MLIP: variants seen among roughly 807,000 people sequenced by gnomAD.
MLIP encodes the protein muscular LMNA interacting protein.
Under a neutral mutation model 84.8 loss-of-function variants are expected in MLIP, and 79 were observed. The ratio of observed to expected loss-of-function variants is 0.93; its 90% CI spans 0.78 to 1.12. The LOEUF (loss-of-function observed/expected upper bound fraction) is 1.12, where lower values mean the gene tolerates loss of function less well. MLIP is among the 50% of genes most tolerant of loss of function. The pLI is 0.00. For missense variants in MLIP, 1,257 were observed against 1,160.6 expected, an observed-to-expected ratio of 1.08 and a Z score of -1.21; for synonymous variants, 504 against 463.0, an observed-to-expected ratio of 1.09 and a Z score of -1.14.
At chr6:54,195,462 A>C (rs980564652) in intron 10 of MLIP, among the ~76,000 whole-genome samples, 1 of 152,092 alleles carries the variant, frequency 6.6e-6, no homozygotes, top group African/African-American at 2.4e-5. Flanking sequence ...TGCTGTAAAA[A>C]CCCATTATTT....
chr6:54,176,486 A>T (rs913782773), intron 9 of MLIP, among the ~76,000 whole-genome samples: 8 of 151,858 alleles, frequency 5.3e-5, no homozygotes, highest in African/African-American at 1.9e-4. Context: ...GTATCTAGGA[A>T]TTTATCAATT....
At chr6:54,027,372 AATACACACACACACACAC>A (rs1161959207) in intron 1 of MLIP, among the ~76,000 whole-genome samples, 2 of 86,406 alleles carry the variant, frequency 2.3e-5, no homozygotes, top group East Asian at 6.8e-4. Context: ...GAATAAAAAA[AATACACACACACACACAC>A]ACACACACAC....
intron 13 of MLIP, chr6:54,261,546 A>C (rs1783392429): frequency 2.1e-5 from 21 of 979,672 alleles, no homozygotes; most frequent in Non-Finnish European, 2.5e-5. Flanking sequence ...GGTTTACAAC[A>C]TAACAATTCT....
At chr6:54,253,853 A>G (rs1330465489) in intron 12 of MLIP, among the ~76,000 whole-genome samples, 1 of 152,114 alleles carries the variant, frequency 6.6e-6, no homozygotes, top group East Asian at 1.9e-4. Context: ...TCTGTTATAC[A>G]ATATCTAGGA....
intron 12 of MLIP, among the ~76,000 whole-genome samples, chr6:54,234,541 T>C (rs1781236665): frequency 6.6e-6 from 1 of 152,178 alleles, no homozygotes; most frequent in African/African-American, 2.4e-5. Context: ...TTGATGATGC[T>C]GCAAATCTAT....
At position 54,266,019 on chromosome 6, in the gene MLIP, T is replaced by G; in HGVS notation, c.*64T>G. The stretch of plus-strand genomic sequence containing the variant: ...TTTTGGAATGCTGGTGCTAACCACT[T>G]GCTAGATTTAACTTTTTTTTTTTTT... On this transcript the variant is annotated 3_prime_UTR_variant, in exon 14 of 14. Transcript: ENST00000502396. 1 of 1,559,644 alleles carries G rather than the reference T, an allele frequency of 6.4e-7. No homozygotes were observed. Among genetic ancestry groups the G allele is most frequent in the Non-Finnish European group, 8.7e-7 (1 of 1,144,506 alleles).
chr6:54,080,365 C>T (rs1767059591), intron 1 of MLIP, among the ~76,000 whole-genome samples: 1 of 151,970 alleles, frequency 6.6e-6, no homozygotes, highest in Non-Finnish European at 1.5e-5. Flanking sequence ...ATCTTCACCC[C>T]CCACCCCAGT....
At chr6:54,202,009 T>G in intron 10 of MLIP, 96 bp from the exon 11 acceptor site, 9 of 862,416 alleles carry the variant, frequency 1.0e-5, no homozygotes, top group Non-Finnish European at 1.4e-5. Context: ...TAATTTTCTG[T>G]GAGAACAGCA....
chr6:54,032,337 A>C (rs974265624), intron 1 of MLIP: 7 of 152,158 alleles, frequency 4.6e-5, no homozygotes, highest in African/African-American at 1.7e-4. Flanking sequence ...TCCTTTGAAA[A>C]TTTTCATATT....
At chr6:54,240,601 C>T (rs1781670272) in intron 12 of MLIP, among the ~76,000 whole-genome samples, 1 of 152,168 alleles carries the variant, frequency 6.6e-6, no homozygotes, top group South Asian at 2.1e-4. Context: ...AATAGTAGGA[C>T]ATTTAGTTCG....
intron 9 of MLIP, among the ~76,000 whole-genome samples, chr6:54,170,527 T>G (rs1775662257): frequency 6.6e-6 from 1 of 151,508 alleles, no homozygotes; most frequent in Admixed American, 6.6e-5. Flanking sequence ...TTTTCATTAT[T>G]ATTGGAAGCC....
At chr6:54,260,311 G>A (rs1783299375) in intron 13 of MLIP, among the ~76,000 whole-genome samples, 1 of 151,850 alleles carries the variant, frequency 6.6e-6, no homozygotes, top group South Asian at 2.1e-4. Context: ...ATCTAGCTCA[G>A]TGGTTCTCAA....
chr6:54,072,221 T>G lies in MLIP; in HGVS notation c.64-49226T>G, dbSNP rs1766529693. ...AAAAAATGCAGTTTTCACATCCTGA[T>G]GATTTCATCACCCTTTCCCTGACCA... On this transcript the variant is annotated intron_variant, in intron 1 of 12. Coordinates refer to the MLIP transcript ENST00000274897. 2.0e-5 allele frequency among the ~76,000 whole-genome samples: 3 copies of G among 152,186 alleles called. No homozygotes were observed. In the South Asian group the frequency reaches 6.2e-4, roughly 31 times the overall value.
chr6:54,056,107 G>A (rs1467648826), intron 1 of MLIP, among the ~76,000 whole-genome samples: 1 of 152,106 alleles, frequency 6.6e-6, no homozygotes, highest in Non-Finnish European at 1.5e-5. Flanking sequence ...TTTTGTTAGA[G>A]TCATCATACT....
intron 1 of MLIP, among the ~76,000 whole-genome samples, chr6:54,055,509 A>C (rs1188471932): frequency 1.3e-5 from 2 of 152,134 alleles, no homozygotes; most frequent in African/African-American, 4.8e-5. Context: ...ATTCAGAAAA[A>C]ACTACATTGA....
intron 11 of MLIP, among the ~76,000 whole-genome samples, chr6:54,229,356 T>A (rs1780817682): frequency 6.6e-6 from 1 of 152,224 alleles, no homozygotes. Context: ...TAAATTTAAA[T>A]TTTTATTTTT....
chr6:54,020,427 C>T (rs1763431691), intron 1 of MLIP, among the ~76,000 whole-genome samples: 1 of 152,136 alleles, frequency 6.6e-6, no homozygotes, highest in Non-Finnish European at 1.5e-5. Context: ...ATATGGTAAG[C>T]ATAAAGGCTT....
chr6:54,115,022 G>C (rs141849907), intron 1 of MLIP, among the ~76,000 whole-genome samples: 1 of 152,218 alleles, frequency 6.6e-6, no homozygotes, highest in African/African-American at 2.4e-5. Context: ...ATGTGGGAGA[G>C]ATGTTAGAGG....
rs1037291603 is a variant in MLIP, at chr6:54,137,824, A to G, written c.1755A>G (p.Thr585=). 4 of 1,535,988 alleles carry G rather than the reference A, an allele frequency of 2.6e-6. No homozygotes were observed. The African/African-American group carries it at 4.1e-5, about 16-fold the overall frequency. Residue 585 remains threonine (T), a synonymous_variant, in exon 4 of 14, where the codon ACA becomes ACG. Transcript: ENST00000502396. The stretch of plus-strand genomic sequence containing the variant: ...GAAACATTCACACGTACCCTTCTAC[A>G]TTAGCCTCCTCTGCATTATCTTCTC... The part of the protein sequence containing the change: ...NPRNIHTYPS[T]LASSALSSLS...
Sources: allele counts gnomAD v4.1 joint callset (sites outside exome capture counted in the v4.1 genomes callset), GRCh38; gene constraint gnomAD v4.1.1; transcripts MANE v1.5; gene names NCBI Gene and HGNC (gene_info 2026-07-23, HGNC 2026-07-21).